Variants in RAPGEF2 observed in about 807,000 individuals in gnomAD.
RAPGEF2 encodes the protein PDZ domain containing guanine nucleotide exchange factor (GEF) 1.
RAPGEF2 carries 54 observed loss-of-function variants against 186.7 expected under a neutral mutation model. That is an observed-to-expected ratio of 0.29 (90% confidence interval 0.23 to 0.36). The LOEUF is 0.36. RAPGEF2 is among the 10% of genes least tolerant of loss of function. RAPGEF2 has a pLI of 1.00. For missense variants in RAPGEF2, 1,532 were observed against 2,045.0 expected, an observed-to-expected ratio of 0.75 and a Z score of 4.84; for synonymous variants, 712 against 705.9, an observed-to-expected ratio of 1.01 and a Z score of -0.14.
intron 1 of RAPGEF2, among the ~76,000 whole-genome samples, chr4:159,171,655 ATCTT>A (rs1384359948): frequency 6.6e-6 from 1 of 151,282 alleles, no homozygotes; most frequent in Non-Finnish European, 1.5e-5. Context: ...TTCTAGAGAT[ATCTT>A]TCATGTAAAA....
At chr4:159,351,127 C>G (rs1731112301) in intron 26 of RAPGEF2, 4 of 1,535,390 alleles carry the variant, frequency 2.6e-6, no homozygotes, top group Admixed American at 3.9e-5. Flanking sequence ...CTCCTCTTCT[C>G]TTGGAAGTGA....
At chr4:159,233,322 AT>A (rs1391562211) in intron 4 of RAPGEF2, among the ~76,000 whole-genome samples, 1 of 152,058 alleles carries the variant, frequency 6.6e-6, no homozygotes, top group East Asian at 1.9e-4. Flanking sequence ...TTTTGAGTTA[AT>A]TTTTGTGTAT....
In RAPGEF2 at chr4:159,339,108, C is replaced by A; in HGVS notation, c.2294-6C>A. 1.2e-6 allele frequency: 2 copies of A among 1,609,286 alleles called. No homozygotes were observed. Among genetic ancestry groups the A allele is most frequent in the Non-Finnish European group, 1.7e-6 (2 of 1,176,684 alleles). On this transcript the variant is annotated splice_region_variant and splice_polypyrimidine_tract_variant and intron_variant, in intron 18 of 29. Coordinates refer to ENST00000691494, the MANE Select transcript of RAPGEF2 (RefSeq NM_001394067.2). ...TACTTATGTGTGTGATTTTTCTTTC[C>A]CCCAGACTTGCCAGATCAAGTGCTA...
intron 9 of RAPGEF2, among the ~76,000 whole-genome samples, chr4:159,319,496 A>G (rs994976113): frequency 1.6e-4 from 25 of 151,690 alleles, no homozygotes; most frequent in African/African-American, 5.8e-4. Context: ...GACTGCTGCC[A>G]TATATATATA....
chr4:159,296,716 G>C (rs1313369850), intron 7 of RAPGEF2, among the ~76,000 whole-genome samples: 2 of 152,182 alleles, frequency 1.3e-5, no homozygotes, highest in Non-Finnish European at 2.9e-5. Flanking sequence ...TGGTGTACAG[G>C]TGATCTAATT....
intron 11 of RAPGEF2, among the ~76,000 whole-genome samples, chr4:159,323,890 T>G (rs1165472853): frequency 2.7e-5 from 4 of 150,152 alleles, no homozygotes; most frequent in Admixed American, 2.0e-4. Flanking sequence ...ACCTAATTTT[T>G]GGGTTTTTTG....
chr4:159,115,811 C>A (rs963509978), intron 1 of RAPGEF2, among the ~76,000 whole-genome samples: 22 of 152,104 alleles, frequency 1.4e-4, no homozygotes, highest in African/African-American at 5.3e-4. Context: ...CTTTGACAAA[C>A]CTGACACAAA....
Position 159,353,635 on chromosome 4 carries a change from T to C in RAPGEF2, c.4240T>C (p.Ser1414Pro), listed in dbSNP as rs778381284. Residue 1414 changes from serine (S) to proline (P), a missense_variant, in exon 28 of 30, where the codon TCA becomes CCA. Ser to Pro is a moderately conservative substitution (Grantham distance 74). Coordinates refer to ENST00000691494, the MANE Select transcript of RAPGEF2 (RefSeq NM_001394067.2). The surrounding 1 kb of genome is among the most constrained non-coding windows in gnomAD (Gnocchi z 4.3). ...DSGRGSWTSC[S>P]SGSHDNIQTI... ...TGGCCGTGGGAGCTGGACGTCATGC[T>C]CAAGTGGCTCCCATGATAATATACA... The C allele has an allele frequency of 6.3e-7, 1 of 1,596,038 alleles. No homozygotes were observed. The highest frequency in any genetic ancestry group is 8.5e-7 in the Non-Finnish European group (1 of 1,172,434).
rs1322941918 is a variant in RAPGEF2, at chr4:159,206,190, G to A, written c.198-4310G>A. The stretch of plus-strand genomic sequence containing the variant: ...CGTGATCCACCCACCTCTGCCTTCC[G>A]AAGTGCTGGGATGACAGGCATGAGC... On this transcript the variant is annotated intron_variant, in intron 3 of 29. Transcript: ENST00000691494. Among the ~76,000 whole-genome samples the A allele has an allele frequency of 9.9e-5, 15 of 152,262 alleles. No individual in the cohort carries two copies. The South Asian group carries it at 1.0e-3, about 11-fold the overall frequency.
At chr4:159,347,029 T>G in intron 25 of RAPGEF2, 31 bp downstream of exon 25, 1 of 1,574,016 alleles carries the variant, frequency 6.4e-7, no homozygotes, top group African/African-American at 1.3e-5. Context: ...CTTTTTTTGG[T>G]GCCATTCACT....
intron 4 of RAPGEF2, among the ~76,000 whole-genome samples, chr4:159,222,193 C>T (rs183432067): frequency 1.4e-3 from 211 of 152,250 alleles, no homozygotes; most frequent in African/African-American, 4.9e-3. Context: ...AGAGAGGGTT[C>T]AATTGCTGGA....
chr4:159,358,621 T>A lies in RAPGEF2; in HGVS notation c.*482T>A, dbSNP rs1188421792. On this transcript the variant is annotated 3_prime_UTR_variant, in exon 30 of 30. Transcript: ENST00000691494. ...CACCAAGGAAGACAAAGAAAAACAA[T>A]GAAATCCTTTGAGTACAGTGCTTGT... is the stretch of plus-strand genomic sequence containing the variant. 6.5e-6 allele frequency: 1 copy of A among 155,006 alleles called. No homozygotes were observed. The highest frequency in any genetic ancestry group is 6.5e-5 in the Admixed American group (1 of 15,354). 9.6% of individuals were successfully genotyped at this position (155,006 alleles called of 1,614,324 possible).
At chr4:159,184,824 A>G (rs937082002) in intron 1 of RAPGEF2, among the ~76,000 whole-genome samples, 29 of 152,166 alleles carry the variant, frequency 1.9e-4, no homozygotes, top group Admixed American at 9.2e-4. Context: ...GCCCATGCCT[A>G]TGTCCTGAAT....
intron 11 of RAPGEF2, among the ~76,000 whole-genome samples, chr4:159,324,259 C>G (rs542894196): frequency 6.6e-6 from 1 of 150,400 alleles, no homozygotes; most frequent in East Asian, 2.0e-4. Flanking sequence ...AACTCCTGAC[C>G]TCAAGTGATC....
At chr4:159,321,542 G>T (rs1398256678) in intron 9 of RAPGEF2, among the ~76,000 whole-genome samples, 1 of 152,142 alleles carries the variant, frequency 6.6e-6, no homozygotes, top group Non-Finnish European at 1.5e-5. Context: ...CTGATGCTGA[G>T]CCTTGGTTTC....
chr4:159,140,501 G>C (rs915379037), intron 1 of RAPGEF2, among the ~76,000 whole-genome samples: 1 of 152,166 alleles, frequency 6.6e-6, no homozygotes, highest in African/African-American at 2.4e-5. Context: ...ATTGCCAAAT[G>C]TTAGGTTGCA....
At position 159,339,482 on chromosome 4, in the gene RAPGEF2, G is replaced by A. The variant is rs1580002200; in HGVS notation, c.2534+128G>A. 4 of 1,246,642 alleles carry A rather than the reference G, an allele frequency of 3.2e-6. No homozygotes were observed. The African/African-American group carries it at 6.0e-5, about 19-fold the overall frequency. 77.2% of individuals were successfully genotyped at this position (1,246,642 alleles called of 1,614,324 possible). A position where few individuals can be genotyped will look rare whatever the true frequency, so the allele number is the denominator to read the frequency against. On this transcript the variant is annotated intron_variant, in intron 19 of 29. Coordinates refer to ENST00000691494, the MANE Select transcript of RAPGEF2 (RefSeq NM_001394067.2). The stretch of plus-strand genomic sequence containing the variant: ...GTCCCTGCGATTAAAAAGTATTGTT[G>A]TTGTTTTTTTTTTCCTTTCACCAAG...
chr4:159,300,068 A>T (rs534298095), intron 7 of RAPGEF2, among the ~76,000 whole-genome samples: 1 of 151,920 alleles, frequency 6.6e-6, no homozygotes, highest in Admixed American at 6.6e-5. Context: ...GCTGAATGAA[A>T]ATATAGTATC....
chr4:159,344,052 A>C lies in RAPGEF2; in HGVS notation c.3271A>C (p.Ser1091Arg). Reference protein sequence around the residue: ...MFRTRKKKWRSLGSLSQGSTN... With the variant: ...MFRTRKKKWRRLGSLSQGSTN... Reference sequence around the variant, plus strand: ...CACTTACAGGAAGAAGAAATGGCGGAGTTTGGGGTAAGTGGTGGAGACCTT... The same window carrying C: ...CACTTACAGGAAGAAGAAATGGCGGCGTTTGGGGTAAGTGGTGGAGACCTT... Residue 1091 changes from serine to arginine, a missense_variant, in exon 23 of 30, where the codon AGT becomes CGT. By Grantham distance (110) the Ser-to-Arg change is moderately radical. This residue lies in a region of RAPGEF2 where 117 missense variants were observed against 180.8 expected (regional missense o/e 0.65). Coordinates refer to ENST00000691494, the MANE Select transcript of RAPGEF2 (RefSeq NM_001394067.2). The C allele has an allele frequency of 6.5e-7, 1 of 1,535,740 alleles. No individual in the cohort carries two copies. Among genetic ancestry groups the C allele is most frequent in the Non-Finnish European group, 9.0e-7 (1 of 1,108,782 alleles).
Sources: gnomAD v4.1 joint callset for allele counts (sites outside exome capture counted in the v4.1 genomes callset) on GRCh38, gnomAD v4.1.1 for gene constraint, gnomAD v4.1.1 regional missense constraint, Gnocchi (gnomAD v3.1) non-coding constraint, MANE v1.5 for transcripts, NCBI Gene and HGNC (gene_info 2026-07-23, HGNC 2026-07-21) for gene names.